CDC42EP3: variants seen among roughly 807,000 people sequenced by gnomAD.
CDC42EP3 encodes CDC42 effector protein 3.
In CDC42EP3, 4 loss-of-function variants were observed where a neutral mutation model predicts 15.5. The observed-to-expected ratio is 0.26, with a 90% CI of 0.13 to 0.59. The LOEUF is 0.59. CDC42EP3 is among the 20% of genes least tolerant of loss of function. The pLI, the probability that CDC42EP3 is intolerant of heterozygous loss-of-function variation, is 0.89. For missense variants in CDC42EP3, 309 were observed against 311.2 expected (o/e 0.99, Z 0.05); for synonymous variants, 145 against 130.3 (o/e 1.11, Z -0.77).
chr2:37,660,343 G>A (rs924064765), intron 1 of CDC42EP3, among the ~76,000 whole-genome samples: 11 of 152,322 alleles, frequency 7.2e-5, no homozygotes, highest in Admixed American at 6.5e-4. Flanking sequence ...TAATTCCCCT[G>A]TCAATGGGAC....
chr2:37,667,335 C>T (rs149362220), intron 1 of CDC42EP3, among the ~76,000 whole-genome samples: 11 of 152,210 alleles, frequency 7.2e-5, no homozygotes, highest in South Asian at 2.1e-4. Flanking sequence ...CACTGAGTGC[C>T]GGGACTGAAG....
chr2:37,670,913 C>T lies in CDC42EP3; in HGVS notation c.-236+513G>A, dbSNP rs183475954. Among the ~76,000 whole-genome samples the T allele has an allele frequency of 9.7e-3, 1,473 of 152,300 alleles. 18 individuals carry two copies. The highest frequency in any genetic ancestry group is 0.013 in the Non-Finnish European group (853 of 68,024). On this transcript the variant is annotated intron_variant, in intron 1 of 1. Coordinates refer to ENST00000295324, the MANE Select transcript of CDC42EP3 (RefSeq NM_006449.5). ...AAACCTTGTAAACGTCTCAGCTGTT[C>T]ACCGTCAAAAAACAAAAAAGTCAAT... is the stretch of plus-strand genomic sequence containing the variant.
Position 37,642,660 on chromosome 2 carries a change from A to G in CDC42EP3, c.*3163T>C. The G allele has an allele frequency of 6.6e-6, 1 of 152,258 alleles. No homozygotes were observed. Among genetic ancestry groups the G allele is most frequent in the Admixed American group, 6.5e-5 (1 of 15,290 alleles). 9.4% of individuals were successfully genotyped at this position (152,258 alleles called of 1,614,324 possible). On this transcript the variant is annotated 3_prime_UTR_variant, in exon 2 of 2. Transcript: ENST00000295324. The stretch of plus-strand genomic sequence containing the variant: ...GTTCCATATTAGGAGGATTAGAACT[A>G]CATCACTCAATATTTTCTTTTGTCT...
intron 1 of CDC42EP3, among the ~76,000 whole-genome samples, chr2:37,651,398 T>C (rs1484774785): frequency 6.6e-6 from 1 of 152,232 alleles, no homozygotes; most frequent in Non-Finnish European, 1.5e-5. Flanking sequence ...GAGCCAATTT[T>C]ATACATGGCT....
intron 1 of CDC42EP3, among the ~76,000 whole-genome samples, chr2:37,665,892 C>A (rs1407809927): frequency 2.6e-5 from 4 of 152,154 alleles, no homozygotes; most frequent in African/African-American, 9.7e-5. Context: ...TATCTGAGAT[C>A]ATCTCTCACC....
At position 37,646,613 on chromosome 2, in the gene CDC42EP3, G is replaced by C; in HGVS notation, c.-26C>G. ...TTTGGAATTTGAGAATGTCTATTTT[G>C]CAAGCGGGAGAAAGGGCCACTTTCT... On this transcript the variant is annotated 5_prime_UTR_variant, in exon 2 of 2. Transcript: ENST00000295324. 1 of 1,521,706 alleles carries C rather than the reference G, an allele frequency of 6.6e-7. No individual in the cohort carries two copies. Among genetic ancestry groups the C allele is most frequent in the Non-Finnish European group, 8.8e-7 (1 of 1,138,702 alleles). The allele number at this position is 1,521,706 out of a possible 1,614,324, so 94.3% of individuals were successfully genotyped here.
intron 1 of CDC42EP3, among the ~76,000 whole-genome samples, chr2:37,667,836 C>T (rs1405765695): frequency 6.6e-6 from 1 of 152,186 alleles, no homozygotes; most frequent in Middle Eastern, 3.2e-3. Flanking sequence ...AGTATAAGGT[C>T]AAAAAGACCT....
intron 1 of CDC42EP3, among the ~76,000 whole-genome samples, chr2:37,671,021 G>A (rs994681558): frequency 6.6e-6 from 1 of 152,258 alleles, no homozygotes; most frequent in South Asian, 2.1e-4. Context: ...TGCCACGGCA[G>A]AGCTGTGCGA....
rs541422650 is a variant in CDC42EP3, at chr2:37,653,917, C to T, written c.-235-7095G>A. Among the ~76,000 whole-genome samples, 4 of 152,304 alleles carry T rather than the reference C, an allele frequency of 2.6e-5. 1 individual carries two copies. Among genetic ancestry groups the T allele is most frequent in the African/African-American group, 7.2e-5 (3 of 41,558 alleles). ...TCCTTGCAGGAAGTGAGCCTGCATC[C>T]GACTTCCCCTTTCTGGCTCGGTTGT... is the stretch of plus-strand genomic sequence containing the variant. On this transcript the variant is annotated intron_variant, in intron 1 of 1. Coordinates refer to ENST00000295324, the MANE Select transcript of CDC42EP3 (RefSeq NM_006449.5).
At chr2:37,651,359 A>T (rs1427216385) in intron 1 of CDC42EP3, among the ~76,000 whole-genome samples, 1 of 152,198 alleles carries the variant, frequency 6.6e-6, no homozygotes, top group Non-Finnish European at 1.5e-5. Context: ...ATAAATGTGT[A>T]TGCAGGGCTC....
chr2:37,662,492 T>A (rs758010454), intron 1 of CDC42EP3, among the ~76,000 whole-genome samples: 4 of 152,212 alleles, frequency 2.6e-5, no homozygotes, highest in Non-Finnish European at 5.9e-5. Context: ...TTGTTTTAAA[T>A]ACAGTGTGAA....
intron 1 of CDC42EP3, among the ~76,000 whole-genome samples, chr2:37,670,794 A>T (rs1045426988): frequency 2.6e-5 from 4 of 152,212 alleles, no homozygotes; most frequent in Non-Finnish European, 4.4e-5. Context: ...TCATAACGAA[A>T]AAATGGCCAG....
intron 1 of CDC42EP3, among the ~76,000 whole-genome samples, chr2:37,667,067 C>G (rs1047780477): frequency 2.4e-4 from 37 of 152,218 alleles, no homozygotes; most frequent in African/African-American, 8.4e-4. Flanking sequence ...CACAGCTAAT[C>G]ACAAACCCAG....
intron 1 of CDC42EP3, among the ~76,000 whole-genome samples, chr2:37,666,699 A>G (rs1480975850): frequency 6.6e-6 from 1 of 152,234 alleles, no homozygotes; most frequent in African/African-American, 2.4e-5. Flanking sequence ...TTTGTATTAT[A>G]AAACTGTATG....
chr2:37,665,828 T>C (rs956768756), intron 1 of CDC42EP3, among the ~76,000 whole-genome samples: 3 of 146,096 alleles, frequency 2.1e-5, no homozygotes, highest in East Asian at 2.1e-4. Flanking sequence ...AGTAGTAAGA[T>C]AGCTATGCTA....
Position 37,646,365 on chromosome 2 carries a change from G to C in CDC42EP3, c.223C>G (p.Leu75Val). Reference protein sequence around the residue: ...LLPGNQEKAHLGQFPGHNEFF... With the variant: ...LLPGNQEKAHVGQFPGHNEFF... The stretch of plus-strand genomic sequence containing the variant: ...TCATTATGCCCAGGGAACTGGCCCA[G>C]GTGTGCTTTCTCCTGGTTTCCAGGT... The change falls in exon 2 of 2, where the codon CTG becomes GTG. Residue 75 changes from leucine to valine, a missense_variant. Leu to Val is a conservative substitution (Grantham distance 32, BLOSUM62 1). Transcript: ENST00000295324. 7 of 1,613,996 alleles carry C rather than the reference G, an allele frequency of 4.3e-6. No homozygotes were observed. Among genetic ancestry groups the C allele is most frequent in the Non-Finnish European group, 5.9e-6 (7 of 1,179,960 alleles).
At chr2:37,648,779 T>A (rs1259318688) in intron 1 of CDC42EP3, among the ~76,000 whole-genome samples, 1 of 152,234 alleles carries the variant, frequency 6.6e-6, no homozygotes. Flanking sequence ...CATCAGAACT[T>A]CCTTCCTGTA....
At chr2:37,651,782 A>G (rs1047812202) in intron 1 of CDC42EP3, among the ~76,000 whole-genome samples, 3 of 152,328 alleles carry the variant, frequency 2.0e-5, no homozygotes, top group Middle Eastern at 3.4e-3. Context: ...GAGGACAGCA[A>G]CTTGTGCAAG....
At chr2:37,653,139 G>A (rs923810464) in intron 1 of CDC42EP3, among the ~76,000 whole-genome samples, 1 of 152,024 alleles carries the variant, frequency 6.6e-6, no homozygotes, top group African/African-American at 2.4e-5. Context: ...CTAGTTCCTG[G>A]GGCACTAGAG....
Sources: allele counts gnomAD v4.1 joint callset (sites outside exome capture counted in the v4.1 genomes callset), GRCh38; gene constraint gnomAD v4.1.1; transcripts MANE v1.5; gene names NCBI Gene and HGNC (gene_info 2026-07-23, HGNC 2026-07-21).